The following NVL variants were observed in gnomAD, a reference collection of about 807,000 sequenced individuals.
The protein encoded by NVL is nuclear VCP like, also known as nuclear valosin-containing protein-like.
Under a neutral mutation model 110.2 loss-of-function variants are expected in NVL, and 84 were observed. That is an observed-to-expected ratio of 0.76 (90% CI 0.64 to 0.91). The LOEUF (loss-of-function observed/expected upper bound fraction) is 0.91. Ranked by LOEUF, NVL falls within the 40% of genes least tolerant of loss-of-function variation. The pLI is 0.00. For missense variants in NVL, 882 were observed against 1,035.9 expected, an observed-to-expected ratio of 0.85 and a Z score of 2.04; for synonymous variants, 354 against 361.1, an observed-to-expected ratio of 0.98 and a Z score of 0.22.
intron 16 of NVL, among the ~76,000 whole-genome samples, chr1:224,279,250 A>G (rs1345852148): frequency 6.6e-6 from 1 of 152,222 alleles, no homozygotes; most frequent in East Asian, 1.9e-4. Context: ...ATCAACAGAG[A>G]TAAGTATTAT....
chr1:224,287,191 C>T (rs186832666), intron 14 of NVL, among the ~76,000 whole-genome samples: 2 of 152,258 alleles, frequency 1.3e-5, no homozygotes, highest in East Asian at 3.9e-4. Flanking sequence ...ATTGCACATT[C>T]TCACTCATAG....
Position 224,281,206 on chromosome 1 carries a change from G to A in NVL, c.1900-21C>T, listed in dbSNP as rs1368628446. The A allele has an allele frequency of 5.6e-6, 9 of 1,602,540 alleles. No individual in the cohort carries two copies. The South Asian group carries it at 9.9e-5, about 18-fold the overall frequency. On this transcript the variant is annotated intron_variant, in intron 15 of 22. Transcript: ENST00000281701. ...ACAGCCTAGCAAGAGGAAACAAAAA[G>A]ACACAAATAAGACCAATACACAGTA...
Position 224,235,933 on chromosome 1 carries a change from G to GAA in NVL, c.2366+571_2366+572dup, listed in dbSNP as rs35435356. Among the ~76,000 whole-genome samples, 598 of 142,264 alleles carry GAA rather than the reference G, an allele frequency of 4.2e-3. 5 individuals carry two copies. The highest frequency in any genetic ancestry group is 0.015 in the South Asian group (65 of 4,482). The allele number at this position is 142,264 out of a possible 152,430, so 93.3% of individuals were successfully genotyped here. On this transcript the variant is annotated intron_variant, in intron 20 of 22. Coordinates refer to ENST00000281701, the MANE Select transcript of NVL (RefSeq NM_002533.4). ...GGGTGAAAGAGGGAAACCCTGTATG[G>GAA]AAAAAAAAAAAAGAAAAAAAAGAAA...
chr1:224,236,740 A>G (rs1976788), intron 19 of NVL, 158 bp from the exon 20 acceptor site: 455,260 of 550,728 alleles, frequency 0.83, 189,835 homozygotes, highest in South Asian at 0.87. Flanking sequence ...GTAAAACCCC[A>G]TCTCTACTAC....
chr1:224,326,156 T>G (rs1352890827), intron 2 of NVL, among the ~76,000 whole-genome samples: 1 of 152,186 alleles, frequency 6.6e-6, no homozygotes, highest in Non-Finnish European at 1.5e-5. Context: ...TTGACCAGAC[T>G]GTCAGGTACT....
chr1:224,234,455 T>C (rs927672271), intron 20 of NVL, among the ~76,000 whole-genome samples: 10 of 152,048 alleles, frequency 6.6e-5, no homozygotes, highest in African/African-American at 2.4e-4. Flanking sequence ...CCATACTATA[T>C]AACTTTTTTT....
At chr1:224,229,371 C>T (rs557736679) in intron 22 of NVL, among the ~76,000 whole-genome samples, 15 of 151,936 alleles carry the variant, frequency 9.9e-5, no homozygotes, top group East Asian at 7.7e-4. Context: ...TTTAGTGTTG[C>T]CAATATTTTA....
intron 18 of NVL, among the ~76,000 whole-genome samples, chr1:224,251,072 G>A (rs1662425331): frequency 6.6e-6 from 1 of 151,862 alleles, no homozygotes; most frequent in African/African-American, 2.4e-5. Context: ...TCAGGAGTTC[G>A]AGACCAGCCT....
intron 17 of NVL, among the ~76,000 whole-genome samples, chr1:224,271,261 G>A (rs909988077): frequency 6.6e-6 from 1 of 152,214 alleles, no homozygotes; most frequent in Admixed American, 6.5e-5. Flanking sequence ...GGGAGGCTGA[G>A]GCAGGAGGAT....
intron 19 of NVL, among the ~76,000 whole-genome samples, chr1:224,246,566 C>T (rs1298976662): frequency 1.3e-5 from 2 of 152,224 alleles, no homozygotes; most frequent in African/African-American, 2.4e-5. Flanking sequence ...CAACTTTTCT[C>T]TTTAGTTCAT....
chr1:224,296,500 C>A lies in NVL; in HGVS notation c.1180+1G>T. The A allele has an allele frequency of 1.4e-6, 2 of 1,479,092 alleles. No homozygotes were observed. Among genetic ancestry groups the A allele is most frequent in the East Asian group, 2.3e-5 (1 of 43,084 alleles). 91.6% of individuals were successfully genotyped at this position (1,479,092 alleles called of 1,614,324 possible). A position where few individuals can be genotyped will look rare whatever the true frequency, so the allele number is the denominator to read the frequency against. On this transcript the variant is annotated splice_donor_variant, in intron 11 of 22. Transcript: ENST00000281701. LOFTEE classifies it high-confidence loss of function. ...AAATGAATTTATTATTTTAAACTAA[C>A]CATCCATGCAGGTTAGGAGTTGGGC... is the stretch of plus-strand genomic sequence containing the variant.
At chr1:224,322,914 A>C (rs1670799122) in intron 2 of NVL, among the ~76,000 whole-genome samples, 1 of 152,068 alleles carries the variant, frequency 6.6e-6, no homozygotes, top group South Asian at 2.1e-4. Flanking sequence ...AGATTGCGCC[A>C]CTGCACTCCA....
intron 16 of NVL, 122 bp downstream of exon 16, chr1:224,281,001 A>G (rs1160774234): frequency 2.3e-6 from 2 of 859,556 alleles, no homozygotes; most frequent in African/African-American, 1.7e-5. Context: ...TCACTCCTAC[A>G]GCACTGATTT....
intron 17 of NVL, among the ~76,000 whole-genome samples, chr1:224,273,550 C>G (rs191602492): frequency 6.6e-6 from 1 of 152,042 alleles, no homozygotes; most frequent in African/African-American, 2.4e-5. Flanking sequence ...GTACTTCATA[C>G]GGCTACAGAC....
At chr1:224,287,311 TA>T (rs1179497552) in intron 14 of NVL, among the ~76,000 whole-genome samples, 2 of 151,580 alleles carry the variant, frequency 1.3e-5, no homozygotes, top group Non-Finnish European at 2.9e-5. Flanking sequence ...GGTTAACGGG[TA>T]AAAAAAATAG....
intron 4 of NVL, among the ~76,000 whole-genome samples, chr1:224,314,467 G>A (rs1219167004): frequency 1.3e-5 from 2 of 152,110 alleles, no homozygotes; most frequent in African/African-American, 4.8e-5. Flanking sequence ...TTCCACACCT[G>A]AGAGAAAATG....
intron 19 of NVL, among the ~76,000 whole-genome samples, chr1:224,242,693 C>T (rs1301348581): frequency 6.6e-6 from 1 of 152,006 alleles, no homozygotes; most frequent in Non-Finnish European, 1.5e-5. Context: ...GTCTCAAACT[C>T]CTGACCTCAG....
intron 18 of NVL, among the ~76,000 whole-genome samples, chr1:224,267,399 G>A (rs999942634): frequency 3.3e-5 from 5 of 152,066 alleles, no homozygotes; most frequent in African/African-American, 1.2e-4. Flanking sequence ...GGTCAAAAGT[G>A]TATGCTGGTC....
chr1:224,250,676 A>G (rs1268553566), intron 18 of NVL, among the ~76,000 whole-genome samples: 1 of 151,740 alleles, frequency 6.6e-6, no homozygotes, highest in Non-Finnish European at 1.5e-5. Context: ...AGCAGCATAT[A>G]CTGTACCCAG....
Sources: gnomAD v4.1 joint callset for allele counts (sites outside exome capture counted in the v4.1 genomes callset) on GRCh38, gnomAD v4.1.1 for gene constraint, MANE v1.5 for transcripts, NCBI Gene and HGNC (gene_info 2026-07-23, HGNC 2026-07-21) for gene names.